The following NTNG1 variants were observed in gnomAD, a reference collection of about 807,000 sequenced individuals.
NTNG1 encodes the protein netrin G1.
Under a neutral mutation model 54.0 loss-of-function variants are expected in NTNG1, and 16 were observed. The ratio of observed to expected loss-of-function variants is 0.30; its 90% CI spans 0.20 to 0.45. The LOEUF is 0.45. NTNG1 is among the 20% of genes least tolerant of loss of function. The pLI is 1.00. For missense variants in NTNG1, 530 were observed against 678.7 expected (o/e 0.78, Z 2.43); for synonymous variants, 255 against 263.1 (o/e 0.97, Z 0.30).
intron 7 of NTNG1, among the ~76,000 whole-genome samples, chr1:107,462,009 G>A (rs1174317034): frequency 6.6e-6 from 1 of 152,212 alleles, no homozygotes; most frequent in Non-Finnish European, 1.5e-5. Flanking sequence ...GGTAAGGGGT[G>A]TTAGTGGCTT....
At chr1:107,212,820 G>A (rs565016567) in intron 2 of NTNG1, among the ~76,000 whole-genome samples, 77 of 151,970 alleles carry the variant, frequency 5.1e-4, no homozygotes, top group Non-Finnish European at 9.4e-4. Context: ...GGAAACTATC[G>A]CGTATTGAGC....
chr1:107,268,611 A>G (rs1040752946), intron 2 of NTNG1, among the ~76,000 whole-genome samples: 1 of 152,072 alleles, frequency 6.6e-6, no homozygotes, highest in Admixed American at 6.5e-5. Context: ...TTAAGTGTGA[A>G]CTATATGTTG....
At chr1:107,249,011 T>A (rs1208810262) in intron 2 of NTNG1, among the ~76,000 whole-genome samples, 10 of 142,666 alleles carry the variant, frequency 7.0e-5, no homozygotes, top group Non-Finnish European at 1.4e-4. Context: ...AAAAAAAAAA[T>A]TAGCTGGGCA....
intron 3 of NTNG1, among the ~76,000 whole-genome samples, chr1:107,355,983 C>T (rs1018384949): frequency 1.3e-5 from 2 of 152,130 alleles, no homozygotes; most frequent in East Asian, 1.9e-4. Flanking sequence ...TCCAGACCAC[C>T]GTCGTGGCAG....
chr1:107,370,344 T>C (rs1486994445), intron 3 of NTNG1, among the ~76,000 whole-genome samples: 2 of 152,024 alleles, frequency 1.3e-5, no homozygotes, highest in Non-Finnish European at 2.9e-5. Context: ...TCATTTTTTT[T>C]TGAAAATTTT....
chr1:107,330,201 T>C (rs1668198663), intron 3 of NTNG1, among the ~76,000 whole-genome samples: 1 of 152,108 alleles, frequency 6.6e-6, no homozygotes, highest in Non-Finnish European at 1.5e-5. Flanking sequence ...CTTCCCTTTA[T>C]GGGTCTTCAG....
chr1:107,290,362 A>G (rs1665502842), intron 2 of NTNG1, among the ~76,000 whole-genome samples: 1 of 152,168 alleles, frequency 6.6e-6, no homozygotes, highest in Non-Finnish European at 1.5e-5. Flanking sequence ...GAAACGAAGT[A>G]CTAGAAAAAA....
chr1:107,302,577 C>T (rs1570626896), intron 2 of NTNG1, among the ~76,000 whole-genome samples: 1 of 151,574 alleles, frequency 6.6e-6, no homozygotes, highest in Non-Finnish European at 1.5e-5. Context: ...TTTTTTTCAG[C>T]TTTAGTATTT....
rs553461506 is a variant in NTNG1, at chr1:107,387,381, A to G, written c.888-7773A>G. On this transcript the variant is annotated intron_variant, in intron 3 of 7. Coordinates refer to ENST00000370068, the MANE Select transcript of NTNG1 (RefSeq NM_001113226.3). ...ATATTTTAGTTTTTCTGTTCATCAG[A>G]ACTCTGACATACTGGTGAGCTCTAC... Among the ~76,000 whole-genome samples the G allele has an allele frequency of 2.1e-3, 320 of 152,296 alleles. 1 individual carries two copies. Among genetic ancestry groups the G allele is most frequent in the African/African-American group, 7.3e-3 (305 of 41,562 alleles).
At chr1:107,295,066 G>C (rs573210510) in intron 2 of NTNG1, among the ~76,000 whole-genome samples, 24 of 152,246 alleles carry the variant, frequency 1.6e-4, no homozygotes, top group African/African-American at 5.3e-4. Context: ...TCATCCCATG[G>C]ATTTTACACT....
intron 2 of NTNG1, among the ~76,000 whole-genome samples, chr1:107,183,171 C>T (rs752580415): frequency 5.3e-5 from 8 of 152,140 alleles, no homozygotes; most frequent in Admixed American, 1.3e-4. Flanking sequence ...TCATGGGGCA[C>T]CCCCTACCTT....
At chr1:107,398,413 G>A (rs901269435) in intron 4 of NTNG1, among the ~76,000 whole-genome samples, 6 of 152,122 alleles carry the variant, frequency 3.9e-5, no homozygotes, top group Admixed American at 1.3e-4. Flanking sequence ...ACCACTCAGG[G>A]ATACCATAGA....
At chr1:107,249,115 C>T (rs956124727) in intron 2 of NTNG1, among the ~76,000 whole-genome samples, 2 of 151,140 alleles carry the variant, frequency 1.3e-5, no homozygotes, top group African/African-American at 4.9e-5. Flanking sequence ...GCCGAGATCA[C>T]ACCACTGCAC....
At chr1:107,253,466 C>A (rs1485971993) in intron 2 of NTNG1, among the ~76,000 whole-genome samples, 1 of 152,148 alleles carries the variant, frequency 6.6e-6, no homozygotes, top group Non-Finnish European at 1.5e-5. Flanking sequence ...TCCATGTCAC[C>A]CATTTTCCCC....
At chr1:107,433,747 T>C (rs560968003) in intron 6 of NTNG1, among the ~76,000 whole-genome samples, 20 of 152,324 alleles carry the variant, frequency 1.3e-4, no homozygotes, top group African/African-American at 4.8e-4. Context: ...AACAATTTCC[T>C]TAAAAAGCTG....
intron 2 of NTNG1, among the ~76,000 whole-genome samples, chr1:107,264,933 A>T (rs1403019869): frequency 3.3e-5 from 5 of 152,214 alleles, no homozygotes; most frequent in African/African-American, 1.2e-4. Flanking sequence ...ACTTGGGTAC[A>T]GTGGGAAGTT....
intron 5 of NTNG1, among the ~76,000 whole-genome samples, chr1:107,410,833 A>G (rs1246372945): frequency 6.6e-6 from 1 of 152,172 alleles, no homozygotes; most frequent in African/African-American, 2.4e-5. Context: ...ATGATTACAC[A>G]AATTATGTTA....
intron 2 of NTNG1, among the ~76,000 whole-genome samples, chr1:107,275,420 A>G (rs1664402594): frequency 6.6e-6 from 1 of 152,132 alleles, no homozygotes; most frequent in South Asian, 2.1e-4. Context: ...ATAGAGATTT[A>G]TTATGAGGAA....
chr1:107,410,884 T>G (rs1673754359), intron 5 of NTNG1, among the ~76,000 whole-genome samples: 1 of 152,162 alleles, frequency 6.6e-6, no homozygotes, highest in Admixed American at 6.6e-5. Flanking sequence ...CAGCAAGAAT[T>G]GGCCTAATGT....
Sources: allele counts gnomAD v4.1 joint callset (sites outside exome capture counted in the v4.1 genomes callset), GRCh38; gene constraint gnomAD v4.1.1; transcripts MANE v1.5; gene names NCBI Gene and HGNC (gene_info 2026-07-23, HGNC 2026-07-21).